NOL12: variants seen among roughly 807,000 people sequenced by gnomAD.
The protein encoded by NOL12 is nucleolar protein 12.
NOL12 carries 21 observed loss-of-function variants against 25.2 expected under a neutral mutation model. That is an observed-to-expected ratio of 0.83 (90% CI 0.59 to 1.20). The LOEUF is 1.20. NOL12 is among the 50% of genes most tolerant of loss of function. NOL12 has a pLI of 0.00. For missense variants in NOL12, 286 were observed against 287.6 expected (o/e 0.99, Z 0.04); for synonymous variants, 133 against 113.8 (o/e 1.17, Z -1.08).
chr22:37,689,028 T>TG lies in NOL12; in HGVS notation c.381+41dup, dbSNP rs756680922. 3 of 1,603,032 alleles carry TG rather than the reference T, an allele frequency of 1.9e-6. No individual in the cohort carries two copies. In the African/African-American group the frequency reaches 4.0e-5, roughly 21 times the overall value. ...GTCTCAGCCCTGGGAGGAAGGGGCG[T>TG]GGGGGCAGACCAGCTTGTCAGGGTT... On this transcript the variant is annotated intron_variant, in intron 4 of 5. Coordinates refer to ENST00000359114, the MANE Select transcript of NOL12 (RefSeq NM_024313.3).
At position 37,693,071 on chromosome 22, in the gene NOL12, A is replaced by T. The variant is rs1922141301; in HGVS notation, c.*1735A>T. The T allele has an allele frequency of 5.2e-6, 1 of 192,390 alleles. No homozygotes were observed. The highest frequency in any genetic ancestry group is 1.9e-4 in the South Asian group (1 of 5,228). 11.9% of individuals were successfully genotyped at this position (192,390 alleles called of 1,614,324 possible). A position where few individuals can be genotyped will look rare whatever the true frequency, so the allele number is the denominator to read the frequency against. ...GTGCCTGGGCACAGTGGTGCCTATT[A>T]TGGGCCCTCCAGGTGGCTCTGGTGC... is the stretch of plus-strand genomic sequence containing the variant. On this transcript the variant is annotated 3_prime_UTR_variant, in exon 6 of 6. Transcript: ENST00000359114.
At chr22:37,689,110 G>A (rs960359299) in intron 4 of NOL12, 118 bp downstream of exon 4, 31 of 1,263,610 alleles carry the variant, frequency 2.5e-5, no homozygotes, top group African/African-American at 5.9e-5. Context: ...AAGAAGGGGC[G>A]TGGGGGCAGA....
In NOL12 at chr22:37,687,956, GCAGC is replaced by G. The variant is rs1191399400; in HGVS notation, c.133_136del (p.Ala45LeufsTer8). 1 of 1,590,446 alleles carries G rather than the reference GCAGC, an allele frequency of 6.3e-7. No individual in the cohort carries two copies. The highest frequency in any genetic ancestry group is 8.6e-7 in the Non-Finnish European group (1 of 1,168,814). ...CAAGCGGAAGGTCGAGCGAAAGAAG[GCAGC>G]CATTGAGGAGATTAAGCAGCGGCTG... On this transcript the variant is annotated frameshift_variant, in exon 2 of 6. Transcript: ENST00000359114. LOFTEE classifies it high-confidence loss of function.
intron 1 of NOL12, 182 bp from the exon 2 acceptor site, chr22:37,687,728 G>T: frequency 2.0e-6 from 1 of 502,858 alleles, no homozygotes. Flanking sequence ...AAAGTACTGG[G>T]ATTACAGGCG....
At chr22:37,688,246 A>G in intron 2 of NOL12, 66 bp from the exon 3 acceptor site, 1 of 1,540,530 alleles carries the variant, frequency 6.5e-7, no homozygotes, top group Non-Finnish European at 9.0e-7. Context: ...GGGGGTGATT[A>G]ATACCCCAGC....
At chr22:37,691,008 C>T in intron 5 of NOL12, 166 bp from the exon 6 acceptor site, 1 of 825,604 alleles carries the variant, frequency 1.2e-6, no homozygotes, top group East Asian at 2.6e-5. Context: ...GGGCCTGTGT[C>T]TCTGAGCTGA....
rs1034530188 is a variant in NOL12, at chr22:37,688,967, G to A, written c.356G>A (p.Arg119Gln). 2.4e-5 allele frequency: 38 copies of A among 1,612,766 alleles called. No individual in the cohort carries two copies. The highest frequency in any genetic ancestry group is 3.3e-5 in the Admixed American group (2 of 59,996). The part of the protein sequence containing the change: ...TISDLDLSGA[R>Q]LLGLTPPEGG... Reference sequence around the variant, plus strand: ...AGTGACCTGGACCTCTCGGGGGCCCGGCTGCTCGGGCTGACCCCACCTGAG... The same window carrying A: ...AGTGACCTGGACCTCTCGGGGGCCCAGCTGCTCGGGCTGACCCCACCTGAG... Residue 119 changes from arginine to glutamine, a missense_variant, in exon 4 of 6, where the codon CGG becomes CAG. Physicochemically the swap from Arg to Gln is conservative, Grantham distance 43. Transcript: ENST00000359114.
chr22:37,690,822 T>TC (rs1173526427), intron 5 of NOL12, 28 bp downstream of exon 5: 3 of 1,528,362 alleles, frequency 2.0e-6, no homozygotes, highest in Non-Finnish European at 2.7e-6. Context: ...GCCTCCCCGG[T>TC]CCCACCCCTC....
rs201494650 is a variant in NOL12 at position 37,691,296 on chromosome 22, G to T, written c.602G>T (p.Arg201Leu). The T allele has an allele frequency of 6.2e-7, 1 of 1,613,668 alleles. No individual in the cohort carries two copies. Reference sequence around the variant, plus strand: ...GCCCCTCGTACCAGCAAGGCCCAGCGCCGCCGTCTCACAGGCAAAGCACGG... The same window carrying T: ...GCCCCTCGTACCAGCAAGGCCCAGCTCCGCCGTCTCACAGGCAAAGCACGG... Reference protein sequence around the residue: ...PRAPRTSKAQRRRLTGKARHS... With the variant: ...PRAPRTSKAQLRRLTGKARHS... The change falls in exon 6 of 6, where the codon CGC (arginine) becomes CTC (leucine). Residue 201 changes from arginine (R) to leucine (L), a missense_variant. Coordinates refer to ENST00000359114, the MANE Select transcript of NOL12 (RefSeq NM_024313.3).
intron 1 of NOL12, chr22:37,687,070 T>C (rs62236677): frequency 0.061 from 60,266 of 985,320 alleles, 1,883 homozygotes; most frequent in Admixed American, 0.095. Context: ...ATGCTGGGCA[T>C]CATCAGGAAA....
At chr22:37,688,586 A>C (rs1341383749) in intron 3 of NOL12, among the ~76,000 whole-genome samples, 21 of 152,120 alleles carry the variant, frequency 1.4e-4, no homozygotes. Context: ...CCCAGTTTTT[A>C]AGGATGGAAA....
At position 37,687,940 on chromosome 22, in the gene NOL12, G is replaced by C; in HGVS notation, c.114G>C (p.Lys38Asn). The change falls in exon 2 of 6, where the codon AAG becomes AAC. Residue 38 changes from lysine to asparagine, a missense_variant. Coordinates refer to ENST00000359114, the MANE Select transcript of NOL12 (RefSeq NM_024313.3). ...REYLTGFHKRKVERKKAAIEE... is the reference protein window; with the variant it reads ...REYLTGFHKRNVERKKAAIEE... ...ACCTGACAGGCTTCCACAAGCGGAA[G>C]GTCGAGCGAAAGAAGGCAGCCATTG... 1.9e-6 allele frequency: 3 copies of C among 1,584,684 alleles called. No individual in the cohort carries two copies. Among genetic ancestry groups the C allele is most frequent in the Non-Finnish European group, 1.7e-6 (2 of 1,165,718 alleles).
chr22:37,688,902 G>T lies in NOL12; in HGVS notation c.291G>T (p.Gln97His). The T allele has an allele frequency of 6.2e-7, 1 of 1,614,052 alleles. No homozygotes were observed. Among genetic ancestry groups the T allele is most frequent in the Non-Finnish European group, 8.5e-7 (1 of 1,180,004 alleles). ...TGACAGCAAAGACGGAGTCGGTGCA[G>T]TATGACCACCCCAACCACACAGTCA... ...RLVTAKTESV[Q>H]YDHPNHTVTV... The change falls in exon 4 of 6, where the codon CAG becomes CAT. Residue 97 changes from glutamine to histidine, a missense_variant. Coordinates refer to ENST00000359114, the MANE Select transcript of NOL12 (RefSeq NM_024313.3).
intron 5 of NOL12, 131 bp from the exon 6 acceptor site, chr22:37,691,043 A>G: frequency 9.1e-7 from 1 of 1,095,296 alleles, no homozygotes; most frequent in Non-Finnish European, 1.3e-6. Context: ...CTCTGGAGGT[A>G]GAGCAGGCCA....
chr22:37,691,118 G>A, intron 5 of NOL12, 56 bp from the exon 6 acceptor site: 1 of 1,538,372 alleles, frequency 6.5e-7, no homozygotes, highest in Non-Finnish European at 8.8e-7. Context: ...CCGTGAGCCA[G>A]GTGGTGAGTC....
chr22:37,688,932 G>GA lies in NOL12; in HGVS notation c.322dup (p.Thr108AsnfsTer5). ...ACCACCCCAACCACACAGTCACCGT[G>GA]ACCACCATCAGTGACCTGGACCTCT... is the stretch of plus-strand genomic sequence containing the variant. On this transcript the variant is annotated frameshift_variant, in exon 4 of 6. Coordinates refer to ENST00000359114, the MANE Select transcript of NOL12 (RefSeq NM_024313.3). LOFTEE classifies it high-confidence loss of function. The GA allele has an allele frequency of 2.5e-6, 4 of 1,613,938 alleles. No homozygotes were observed. Among genetic ancestry groups the GA allele is most frequent in the Non-Finnish European group, 3.4e-6 (4 of 1,179,974 alleles).
rs939908503 is a variant in NOL12, at chr22:37,687,816, A to G, written c.84-94A>G. ...ACTTTTTTGGAATGGTGCCTAGCAC[A>G]TAGTGAGCGCGGCATTAGCCATTTT... On this transcript the variant is annotated intron_variant, in intron 1 of 5. Transcript: ENST00000359114. The G allele has an allele frequency of 5.9e-5, 53 of 895,344 alleles. 1 individual carries two copies. The highest frequency in any genetic ancestry group is 8.9e-6 in the Non-Finnish European group (5 of 560,898). 55.5% of individuals were successfully genotyped at this position (895,344 alleles called of 1,614,324 possible).
chr22:37,686,826 C>T (rs572991678), intron 1 of NOL12: 4 of 985,446 alleles, frequency 4.1e-6, no homozygotes, highest in African/African-American at 1.7e-5. Context: ...ATGAGAGTGG[C>T]TTAAGTTCAT....
rs1003629499 is a variant in NOL12 at position 37,686,997 on chromosome 22, G to A, written c.83+522G>A. On this transcript the variant is annotated intron_variant, in intron 1 of 5. Coordinates refer to ENST00000359114, the MANE Select transcript of NOL12 (RefSeq NM_024313.3). Reference sequence around the variant, plus strand: ...TGGACCGTGGGACAAAATGGGAACAGAGCAGCTAGCACTGTGGAGATGAGA... The same window carrying A: ...TGGACCGTGGGACAAAATGGGAACAAAGCAGCTAGCACTGTGGAGATGAGA... 3.0e-6 allele frequency: 3 copies of A among 985,296 alleles called. No individual in the cohort carries two copies. In the African/African-American group the frequency reaches 5.2e-5, roughly 17 times the overall value. The allele number at this position is 985,296 out of a possible 1,614,324, so 61.0% of individuals were successfully genotyped here. A position where few individuals can be genotyped will look rare whatever the true frequency, so the allele number is the denominator to read the frequency against.
Sources: gnomAD v4.1 joint callset for allele counts (sites outside exome capture counted in the v4.1 genomes callset) on GRCh38, gnomAD v4.1.1 for gene constraint, MANE v1.5 for transcripts, NCBI Gene and HGNC (gene_info 2026-07-23, HGNC 2026-07-21) for gene names.